TTC34: variants seen among roughly 807,000 people sequenced by gnomAD.
TTC34 encodes tetratricopeptide repeat protein 34.
In TTC34, 44 loss-of-function variants were observed where a neutral mutation model predicts 40.7. The ratio of observed to expected loss-of-function variants is 1.08; its 90% CI spans 0.85 to 1.39. The LOEUF (loss-of-function observed/expected upper bound fraction) is 1.39. Ranked by LOEUF, TTC34 falls within the 40% of genes most tolerant of loss-of-function variation. The probability of loss-of-function intolerance (pLI) is 0.00; values close to 1 mark genes in which losing one functional copy is unlikely to be tolerated. For synonymous variants in TTC34, 422 were observed against 398.6 expected (o/e 1.06, Z -0.70); for missense variants, 884 against 838.0 (o/e 1.05, Z -0.68).
chr1:2,789,581 C>T (rs1311551042), exon 3 of TTC34: 1 of 1,475,084 alleles, frequency 6.8e-7, no homozygotes, highest in Non-Finnish European at 9.0e-7. Context: ...GCGTGGAGAT[C>T]GCTGCAGCAT....
At chr1:2,756,677 G>C (rs1641517354) in intron 6 of TTC34, among the ~76,000 whole-genome samples, 1 of 1,308 alleles carries the variant, frequency 7.6e-4, no homozygotes, top group Non-Finnish European at 1.6e-3. Flanking sequence ...CCCCAGGTGA[G>C]CAGCTGAAAT....
chr1:2,768,475 G>C (rs1457191584), intron 6 of TTC34, among the ~76,000 whole-genome samples: 1 of 150,240 alleles, frequency 6.7e-6, no homozygotes, highest in Admixed American at 6.6e-5. Context: ...ATAAGAATTT[G>C]ATAAGTGGGG....
intron 6 of TTC34, among the ~76,000 whole-genome samples, chr1:2,656,310 C>T (rs1281916419): frequency 2.0e-5 from 3 of 151,892 alleles, no homozygotes; most frequent in African/African-American, 7.3e-5. Flanking sequence ...AGGCGAGCAT[C>T]TGACAGCATG....
At chr1:2,637,206 G>T (rs1570739105) in exon 9 of TTC34, 1 of 152,174 alleles carries the variant, frequency 6.6e-6, no homozygotes, top group East Asian at 1.9e-4. Context: ...GCATGCCAGT[G>T]TAGAAAATGA....
chr1:2,677,708 A>G (rs1156636981), intron 6 of TTC34, among the ~76,000 whole-genome samples: 52 of 149,606 alleles, frequency 3.5e-4, no homozygotes, highest in African/African-American at 1.3e-3. Flanking sequence ...TGAGCATCTG[A>G]CAGCCTGGAA....
At chr1:2,637,169 T>C (rs925644576) in exon 9 of TTC34, 4 of 151,902 alleles carry the variant, frequency 2.6e-5, no homozygotes, top group South Asian at 2.1e-4. Flanking sequence ...CAAAAAAGGC[T>C]TAAACAAAGG....
In TTC34 at chr1:2,787,749, C is replaced by T. The variant is rs753168983; in HGVS notation, c.1629-43G>A. On this transcript the variant is annotated intron_variant, in intron 3 of 8. Coordinates refer to ENST00000401095, the Ensembl canonical transcript of TTC34. ...CAGGGGGGCATGCCCCTTTTGACAA[C>T]CCCTCCACCTGCCCAGGTGATTGGG... is the stretch of plus-strand genomic sequence containing the variant. 6 of 1,440,724 alleles carry T rather than the reference C, an allele frequency of 4.2e-6. No individual in the cohort carries two copies. The South Asian group carries it at 8.1e-5, about 19-fold the overall frequency. 89.2% of individuals were successfully genotyped at this position (1,440,724 alleles called of 1,614,324 possible). A position where few individuals can be genotyped will look rare whatever the true frequency, so the allele number is the denominator to read the frequency against.
chr1:2,692,231 G>A (rs1415626488), intron 6 of TTC34, among the ~76,000 whole-genome samples: 1 of 74,454 alleles, frequency 1.3e-5, no homozygotes, highest in East Asian at 3.3e-4. Context: ...ACATCCCCAG[G>A]CGAGCATCCG....
At chr1:2,655,270 A>G (rs1639303819) in intron 6 of TTC34, among the ~76,000 whole-genome samples, 2 of 70,094 alleles carry the variant, frequency 2.9e-5, no homozygotes, top group African/African-American at 9.7e-5. Flanking sequence ...TGAGCATCTG[A>G]CAGCCTGCAA....
intron 3 of TTC34, among the ~76,000 whole-genome samples, 177 bp downstream of exon 3, chr1:2,789,326 C>T (rs1643632604): frequency 6.6e-6 from 1 of 152,242 alleles, no homozygotes; most frequent in Non-Finnish European, 1.5e-5. Flanking sequence ...TTTCCATTTC[C>T]GGACTGCGGC....
chr1:2,793,787 C>G (rs947724361), intron 2 of TTC34, among the ~76,000 whole-genome samples: 21 of 152,280 alleles, frequency 1.4e-4, no homozygotes, highest in African/African-American at 3.6e-4. Flanking sequence ...GTCTTTCTAT[C>G]TATTCCTGAA....
intron 2 of TTC34, among the ~76,000 whole-genome samples, chr1:2,791,721 G>C (rs139059425): frequency 0.014 from 2,099 of 152,216 alleles, 23 homozygotes; most frequent in Admixed American, 0.024. Flanking sequence ...GTGGCTCATG[G>C]ATCCGAGGGA....
intron 6 of TTC34, among the ~76,000 whole-genome samples, chr1:2,769,707 C>G (rs1641989882): frequency 1.5e-5 from 1 of 65,562 alleles, no homozygotes; most frequent in Non-Finnish European, 3.4e-5. Flanking sequence ...GAGCAGCACC[C>G]ACACCCCCAG....
chr1:2,693,323 ACAGCC>A, intron 6 of TTC34, among the ~76,000 whole-genome samples: 1 of 116,280 alleles, frequency 8.6e-6, no homozygotes, highest in Non-Finnish European at 1.9e-5. Context: ...TGAGCCTCTG[ACAGCC>A]TGGAACAGCA....
chr1:2,641,742 C>T, exon 9 of TTC34: 5 of 1,535,384 alleles, frequency 3.3e-6, no homozygotes, highest in South Asian at 1.2e-5. Context: ...TCCCTAAGGG[C>T]CCGGCCAAAC....
chr1:2,750,688 C>A (rs1641289042), intron 6 of TTC34, among the ~76,000 whole-genome samples: 1 of 151,932 alleles, frequency 6.6e-6, no homozygotes, highest in Non-Finnish European at 1.5e-5. Context: ...ACCCTGCACC[C>A]CCAAGTGAGC....
chr1:2,645,371 C>T lies in TTC34; in HGVS notation c.2419G>A (p.Val807Met). Residue 807 changes from valine (V) to methionine (M), a missense_variant, in exon 7 of 9, where the codon GTG (valine) becomes ATG (methionine). Transcript: ENST00000401095. The surrounding 1 kb of genome is among the most constrained non-coding windows in gnomAD (Gnocchi z 4.7). The stretch of plus-strand genomic sequence containing the variant: ...TCGATTTTGATCAGCGCCTCCCCCA[C>T]AGCAAGGAGGCCCTGGGTGTCCTTG... 6.5e-7 allele frequency: 1 copy of T among 1,534,740 alleles called. No individual in the cohort carries two copies. Among genetic ancestry groups the T allele is most frequent in the Non-Finnish European group, 8.7e-7 (1 of 1,146,144 alleles).
intron 6 of TTC34, among the ~76,000 whole-genome samples, chr1:2,760,456 A>C (rs1346521159): frequency 9.5e-5 from 4 of 42,116 alleles, no homozygotes; most frequent in Non-Finnish European, 1.4e-4. Context: ...CCCAGGCGAG[A>C]ATCTGACAGC....
At chr1:2,692,199 T>A in intron 6 of TTC34, among the ~76,000 whole-genome samples, 1 of 23,568 alleles carries the variant, frequency 4.2e-5, no homozygotes, top group African/African-American at 1.4e-4. Flanking sequence ...AGGTGAGCAT[T>A]GGACACCCTG....
Sources: allele counts gnomAD v4.1 joint callset (sites outside exome capture counted in the v4.1 genomes callset), GRCh38; gene constraint gnomAD v4.1.1; non-coding constraint Gnocchi (gnomAD v3.1); transcripts MANE v1.5; gene names NCBI Gene and HGNC (gene_info 2026-07-23, HGNC 2026-07-21).